The following PPRC1 variants were observed in gnomAD, a reference collection of about 807,000 sequenced individuals.
PPRC1 encodes the protein peroxisome proliferator-activated receptor gamma coactivator-related protein 1.
PPRC1 carries 23 observed loss-of-function variants against 132.5 expected under a neutral mutation model. The ratio of observed to expected loss-of-function variants is 0.17; its 90% confidence interval spans 0.12 to 0.25. The LOEUF (loss-of-function observed/expected upper bound fraction) is 0.25, where lower values mean the gene tolerates loss of function less well. Among genes scored for constraint, PPRC1 ranks in the 10% least tolerant of loss-of-function variants. The probability of loss-of-function intolerance (pLI) is 1.00; values close to 1 mark genes in which losing one functional copy is unlikely to be tolerated. For synonymous variants in PPRC1, 872 were observed against 833.5 expected, an observed-to-expected ratio of 1.05 and a Z score of -0.80; for missense variants, 2,006 against 2,089.1, an observed-to-expected ratio of 0.96 and a Z score of 0.78.
intron 7 of PPRC1, 59 bp from the exon 8 acceptor site, chr10:102,144,961 A>C: frequency 7.2e-7 from 1 of 1,387,066 alleles, no homozygotes; most frequent in Non-Finnish European, 1.0e-6. Context: ...TGAGAAAGGC[A>C]AATGTATAAG....
At chr10:102,125,342 T>C in the PPRC1 span, among the ~76,000 whole-genome samples, 1 of 147,676 alleles carries the variant, frequency 6.8e-6, no homozygotes. Flanking sequence ...CACTGCAACC[T>C]CCGCCTCCTG....
rs1001784838 is a variant in PPRC1 at position 102,141,694 on chromosome 10, A to C, written c.3186A>C (p.Ala1062=). The part of the protein sequence containing the change: ...PTKVEVKPVP[A]SPHPKHKVSA... The stretch of plus-strand genomic sequence containing the variant: ...AGGTGGAGGTCAAGCCAGTGCCTGC[A>C]TCTCCCCATCCGAAACACAAGGTGT... The change falls in exon 5 of 14, where the codon GCA becomes GCC. Residue 1062 remains alanine (A), a synonymous_variant. Transcript: ENST00000278070. 4 of 1,614,032 alleles carry C rather than the reference A, an allele frequency of 2.5e-6. No individual in the cohort carries two copies. The highest frequency in any genetic ancestry group is 3.4e-6 in the Non-Finnish European group (4 of 1,179,944).
At position 102,137,278 on chromosome 10, in the gene PPRC1, A is replaced by T. The variant is rs2068761480; in HGVS notation, c.154-572A>T. ...CGCTTGAACCCAGGAGACCGAACCC[A>T]TGAGTGTCATGGGGATGGGGGTAGG... On this transcript the variant is annotated intron_variant, in intron 1 of 13. Coordinates refer to ENST00000278070, the MANE Select transcript of PPRC1 (RefSeq NM_015062.5). 2.6e-5 allele frequency among the ~76,000 whole-genome samples: 4 copies of T among 152,070 alleles called. No individual in the cohort carries two copies. The South Asian group carries it at 8.3e-4, about 32-fold the overall frequency.
Position 102,139,502 on chromosome 10 carries a change from G to C in PPRC1, c.994G>C (p.Glu332Gln). 2 of 1,614,068 alleles carry C rather than the reference G, an allele frequency of 1.2e-6. No homozygotes were observed. The highest frequency in any genetic ancestry group is 8.5e-7 in the Non-Finnish European group (1 of 1,179,974). Residue 332 changes from glutamate to glutamine, a missense_variant, in exon 5 of 14, where the codon GAG (glutamate) becomes CAG (glutamine). By Grantham distance (29) the Glu-to-Gln change is conservative. Around this residue, in one of 2 missense-constraint regions of PPRC1, gnomAD observed 1,914 missense variants for 1,917.2 expected, o/e 1.00. Transcript: ENST00000278070. ...HLASLEDELQ[E>Q]QPDDLTLPEG... is the part of the protein sequence containing the mutation. ...GGCATCACTTGAGGATGAGCTTCAG[G>C]AGCAGCCAGATGATTTGACACTGCC... is the stretch of plus-strand genomic sequence containing the variant.
At chr10:102,137,819 C>G (rs995748183) in intron 1 of PPRC1, 31 bp from the exon 2 acceptor site, 2 of 1,602,630 alleles carry the variant, frequency 1.2e-6, no homozygotes, top group African/African-American at 1.3e-5. Context: ...CCAGAGAGCT[C>G]ATACCCTTCT....
chr10:102,133,300 G>A (rs2068590546), intron 1 of PPRC1, 79 bp downstream of exon 1: 32 of 1,166,718 alleles, frequency 2.7e-5, no homozygotes, highest in East Asian at 1.9e-4. Flanking sequence ...CCACAGGAAA[G>A]AGAGGAAGCG....
chr10:102,150,217 A>G lies in PPRC1; in HGVS notation c.*188A>G, dbSNP rs2069450761. ...GGGTATTTGTTTTTTTATAACAGGT[A>G]TTGAAACAAGTTAACTTGCATTCCT... is the stretch of plus-strand genomic sequence containing the variant. On this transcript the variant is annotated 3_prime_UTR_variant, in exon 14 of 14. Transcript: ENST00000278070. The G allele has an allele frequency of 1.9e-6, 1 of 524,982 alleles. No homozygotes were observed. The highest frequency in any genetic ancestry group is 3.4e-6 in the Non-Finnish European group (1 of 290,914). The allele number at this position is 524,982 out of a possible 1,614,324, so 32.5% of individuals were successfully genotyped here. A position where few individuals can be genotyped will look rare whatever the true frequency, so the allele number is the denominator to read the frequency against.
Position 102,139,598 on chromosome 10 carries a change from G to A in PPRC1, c.1090G>A (p.Val364Met). 6.2e-7 allele frequency: 1 copy of A among 1,613,876 alleles called. No homozygotes were observed. The highest frequency in any genetic ancestry group is 8.5e-7 in the Non-Finnish European group (1 of 1,179,994). Residue 364 changes from valine to methionine, a missense_variant, in exon 5 of 14, where the codon GTG (valine) becomes ATG (methionine). Transcript: ENST00000278070. ...TGGCGATGACCTGGAGATCCCAGTT[G>A]TGGTGCGACAGGTCTCTCCTGGACC... ...TAGDDLEIPV[V>M]VRQVSPGPRP... is the part of the protein sequence containing the mutation.
At chr10:102,145,814 G>A (rs2069211885) in intron 8 of PPRC1, among the ~76,000 whole-genome samples, 1 of 152,152 alleles carries the variant, frequency 6.6e-6, no homozygotes, top group Admixed American at 6.5e-5. Flanking sequence ...GCAGTGAGCT[G>A]AGATTGCGCC....
In PPRC1 at chr10:102,138,773, T is replaced by C; in HGVS notation, c.489+8T>C. ...CCCCGGGAGGGCTCCTCTGTGAGTGTGGGACCAGGGGAAGGGGATTAGTAC... is the reference window on the plus strand; with the variant it reads ...CCCCGGGAGGGCTCCTCTGTGAGTGCGGGACCAGGGGAAGGGGATTAGTAC... On this transcript the variant is annotated splice_region_variant and intron_variant, in intron 3 of 13. Transcript: ENST00000278070. 6.2e-7 allele frequency: 1 copy of C among 1,614,148 alleles called. No homozygotes were observed. Among genetic ancestry groups the C allele is most frequent in the Non-Finnish European group, 8.5e-7 (1 of 1,179,994 alleles).
the PPRC1 span, among the ~76,000 whole-genome samples, chr10:102,121,632 C>T: frequency 6.6e-6 from 1 of 152,104 alleles, no homozygotes; most frequent in African/African-American, 2.4e-5. Context: ...GGAGGGGAGC[C>T]GCCTGGAGTA....
Position 102,133,135 on chromosome 10 carries a change from C to T in PPRC1, c.67C>T (p.Pro23Ser). ...CCCGAGTGGGGGCCCCGGTCCGGAC[C>T]CTGGCGGGGGAGCCCGCGGCAGTGG... The part of the protein sequence containing the change: ...PPPSGGPGPD[P>S]GGGARGSGWG... Residue 23 changes from proline to serine, a missense_variant, in exon 1 of 14, where the codon CCT becomes TCT. Coordinates refer to ENST00000278070, the MANE Select transcript of PPRC1 (RefSeq NM_015062.5). 1 of 1,252,430 alleles carries T rather than the reference C, an allele frequency of 8.0e-7. No individual in the cohort carries two copies. The allele number at this position is 1,252,430 out of a possible 1,614,324, so 77.6% of individuals were successfully genotyped here.
At chr10:102,138,471 ATCCATGCC>A in intron 2 of PPRC1, 140 bp from the exon 3 acceptor site, 1 of 972,548 alleles carries the variant, frequency 1.0e-6, no homozygotes, top group East Asian at 2.6e-5. Context: ...TGAGATTGGA[ATCCATGCC>A]TTCTGGTATT....
In PPRC1 at chr10:102,149,181, C is replaced by A; in HGVS notation, c.4743C>A (p.Asp1581Glu). The A allele has an allele frequency of 6.3e-7, 1 of 1,584,338 alleles. No homozygotes were observed. Among genetic ancestry groups the A allele is most frequent in the African/African-American group, 1.3e-5 (1 of 74,154 alleles). Residue 1581 changes from aspartate to glutamate, a missense_variant, in exon 13 of 14, where the codon GAC becomes GAA. Physicochemically the swap from Asp to Glu is conservative, Grantham distance 45 (BLOSUM62 2). Coordinates refer to ENST00000278070, the MANE Select transcript of PPRC1 (RefSeq NM_015062.5). ...ECTIHFRVQG[D>E]NYGFVTYRYA... ...TGCCTCACTCTCCTCCTACTAGGGA[C>A]AACTACGGCTTCGTCACTTATCGCT...
Position 102,143,295 on chromosome 10 carries a change from A to T in PPRC1, c.3550+197A>T, listed in dbSNP as rs1171006249. 2.0e-5 allele frequency among the ~76,000 whole-genome samples: 3 copies of T among 152,168 alleles called. No homozygotes were observed. The East Asian group carries it at 5.8e-4, about 30-fold the overall frequency. On this transcript the variant is annotated intron_variant, in intron 6 of 13. Coordinates refer to ENST00000278070, the MANE Select transcript of PPRC1 (RefSeq NM_015062.5). The stretch of plus-strand genomic sequence containing the variant: ...ACGGCAGTGATACAGTAAGGAAGGT[A>T]TTAAAGAGTAGACTGGGAATCCAGG...
chr10:102,144,678 AT>A, intron 7 of PPRC1: 3 of 457,752 alleles, frequency 6.6e-6, no homozygotes, highest in East Asian at 4.0e-5. Context: ...GCTAGGAGTC[AT>A]TTTTCATGTT....
Position 102,149,254 on chromosome 10 carries a change from C to G in PPRC1, c.4816C>G (p.Gln1606Glu). The stretch of plus-strand genomic sequence containing the variant: ...CATTGAGAGTGGCCACAAGCTGCGG[C>G]AGGCAGATGAGCAGCCCTTTGATCT... ...AAIESGHKLR[Q>E]ADEQPFDLCF... Residue 1606 changes from glutamine to glutamate, a missense_variant, in exon 13 of 14, where the codon CAG (glutamine) becomes GAG (glutamate). By Grantham distance (29) the Gln-to-Glu change is conservative. This residue lies in a region of PPRC1 where 92 missense variants were observed against 171.9 expected (regional missense o/e 0.54). Coordinates refer to ENST00000278070, the MANE Select transcript of PPRC1 (RefSeq NM_015062.5). The G allele has an allele frequency of 6.2e-7, 1 of 1,612,726 alleles. No individual in the cohort carries two copies. The highest frequency in any genetic ancestry group is 1.1e-5 in the South Asian group (1 of 90,904).
rs1332943547 is a variant in PPRC1, at chr10:102,149,274, T to C, written c.4836T>C (p.Phe1612=). ...TGCGGCAGGCAGATGAGCAGCCCTTTGATCTCTGCTTTGGGGGCCGAAGGC... is the reference window on the plus strand; with the variant it reads ...TGCGGCAGGCAGATGAGCAGCCCTTCGATCTCTGCTTTGGGGGCCGAAGGC... The part of the protein sequence containing the change: ...HKLRQADEQP[F]DLCFGGRRQF... The change falls in exon 13 of 14, where the codon TTT becomes TTC. Residue 1612 remains phenylalanine, a synonymous_variant. Transcript: ENST00000278070. 2.5e-6 allele frequency: 4 copies of C among 1,611,702 alleles called. No homozygotes were observed. Among genetic ancestry groups the C allele is most frequent in the East Asian group, 4.5e-5 (2 of 44,868 alleles).
upstream of PPRC1, among the ~76,000 whole-genome samples, chr10:102,128,356 T>TCTCCATCTCCTGAC (rs2068494269): frequency 6.6e-6 from 1 of 151,736 alleles, no homozygotes; most frequent in Non-Finnish European, 1.5e-5. Context: ...GCCAGAATGG[T>TCTCCATCTCCTGAC]CTCCATCTCC....
Sources: allele counts gnomAD v4.1 joint callset (sites outside exome capture counted in the v4.1 genomes callset), GRCh38; gene constraint gnomAD v4.1.1; regional missense constraint gnomAD v4.1.1; transcripts MANE v1.5; gene names NCBI Gene and HGNC (gene_info 2026-07-23, HGNC 2026-07-21).